Variants in SUMF1 observed in about 807,000 individuals in gnomAD.
SUMF1 encodes the protein sulfatase modifying factor 1.
SUMF1 carries 48 observed loss-of-function variants against 47.6 expected under a neutral mutation model. The observed-to-expected ratio is 1.01, with a 90% CI of 0.80 to 1.28. The LOEUF (loss-of-function observed/expected upper bound fraction) is 1.28. SUMF1 is among the 50% of genes most tolerant of loss of function. The pLI is 0.00. For missense variants in SUMF1, 571 were observed against 485.4 expected (o/e 1.18, Z -1.66); for synonymous variants, 230 against 192.1 (o/e 1.20, Z -1.63).
intron 8 of SUMF1, among the ~76,000 whole-genome samples, chr3:4,261,751 G>A (rs1043944524): frequency 1.1e-4 from 17 of 152,088 alleles, no homozygotes; most frequent in Admixed American, 2.0e-4. Flanking sequence ...TTCCCCTTCC[G>A]GTGTTCAGTA....
chr3:4,063,203 T>G (rs1695302514), intron 9 of SUMF1, among the ~76,000 whole-genome samples: 1 of 152,000 alleles, frequency 6.6e-6, no homozygotes, highest in Non-Finnish European at 1.5e-5. Flanking sequence ...GCATGGTAAA[T>G]TTCTAAATGC....
chr3:4,202,053 T>G (rs1695551936), intron 8 of SUMF1, among the ~76,000 whole-genome samples: 1 of 152,068 alleles, frequency 6.6e-6, no homozygotes. Flanking sequence ...TTCTGTGGGT[T>G]GTCTCTTCAC....
intron 8 of SUMF1, among the ~76,000 whole-genome samples, chr3:4,347,141 C>A (rs1320638596): frequency 6.6e-6 from 1 of 152,184 alleles, no homozygotes; most frequent in Non-Finnish European, 1.5e-5. Context: ...TGAAACTATT[C>A]CAAACAATTG....
intron 8 of SUMF1, among the ~76,000 whole-genome samples, chr3:4,118,258 A>T (rs1693465045): frequency 6.6e-6 from 1 of 152,066 alleles, no homozygotes; most frequent in African/African-American, 2.4e-5. Context: ...TGAAAAAAGG[A>T]ACAGGATACA....
chr3:4,395,454 G>A (rs1428822302), intron 7 of SUMF1, among the ~76,000 whole-genome samples: 1 of 152,164 alleles, frequency 6.6e-6, no homozygotes, highest in Non-Finnish European at 1.5e-5. Context: ...GACCAATGAA[G>A]AAGGGACTGC....
chr3:4,242,291 G>A (rs1202562956), intron 8 of SUMF1, among the ~76,000 whole-genome samples: 1 of 152,076 alleles, frequency 6.6e-6, no homozygotes, highest in East Asian at 1.9e-4. Flanking sequence ...TGATTGCCCT[G>A]GTCAGAACTT....
intron 8 of SUMF1, among the ~76,000 whole-genome samples, chr3:4,322,550 C>T (rs1186693940): frequency 6.6e-6 from 1 of 151,880 alleles, no homozygotes; most frequent in Non-Finnish European, 1.5e-5. Context: ...GTCCAAGCTA[C>T]TTAGGGGTCT....
At chr3:4,388,288 G>T (rs1700738472) in intron 7 of SUMF1, among the ~76,000 whole-genome samples, 1 of 151,938 alleles carries the variant, frequency 6.6e-6, no homozygotes, top group Admixed American at 6.6e-5. Context: ...CCTCTTGAAG[G>T]ATTAACCATT....
intron 8 of SUMF1, chr3:4,068,874 A>G: frequency 4.5e-6 from 1 of 223,128 alleles, no homozygotes; most frequent in South Asian, 5.5e-5. Context: ...ATAACAAACT[A>G]CAACGAAAAA....
At chr3:4,089,549 G>T (rs959751258) in intron 8 of SUMF1, among the ~76,000 whole-genome samples, 2 of 151,984 alleles carry the variant, frequency 1.3e-5, no homozygotes. Context: ...CTATCACAGA[G>T]CCTATCATAT....
intron 8 of SUMF1, among the ~76,000 whole-genome samples, chr3:4,078,789 T>A (rs1195148128): frequency 6.6e-6 from 1 of 151,950 alleles, no homozygotes; most frequent in Admixed American, 6.6e-5. Flanking sequence ...CAACAACCTA[T>A]GAAGTAGGTA....
intron 8 of SUMF1, among the ~76,000 whole-genome samples, chr3:4,135,418 CA>C (rs1470773136): frequency 6.6e-6 from 1 of 151,994 alleles, no homozygotes; most frequent in Non-Finnish European, 1.5e-5. Flanking sequence ...TGACAAAATT[CA>C]ACAACGTTTC....
At chr3:4,044,528 T>G (rs1694971618) in intron 9 of SUMF1, among the ~76,000 whole-genome samples, 2 of 152,340 alleles carry the variant, frequency 1.3e-5, no homozygotes, top group South Asian at 4.1e-4. Flanking sequence ...TTTTGGCTAC[T>G]GATCACAGGT....
At chr3:4,463,229 C>A (rs1402121327) in intron 1 of SUMF1, among the ~76,000 whole-genome samples, 2 of 152,322 alleles carry the variant, frequency 1.3e-5, no homozygotes, top group South Asian at 2.1e-4. Flanking sequence ...CGGTGGCTCA[C>A]GCCTGTAATC....
intron 8 of SUMF1, among the ~76,000 whole-genome samples, chr3:4,170,661 G>A (rs1377284048): frequency 6.6e-6 from 1 of 152,144 alleles, no homozygotes; most frequent in Non-Finnish European, 1.5e-5. Flanking sequence ...AGAGTAGAGA[G>A]TCTGGGATTA....
Position 4,361,886 on chromosome 3 carries a change from T to A in SUMF1, c.*258A>T. On this transcript the variant is annotated 3_prime_UTR_variant, in exon 9 of 9. Coordinates refer to ENST00000272902, the MANE Select transcript of SUMF1 (RefSeq NM_182760.4). ...TCCTGAAGCCTAGCTCAGGGTTCCC[T>A]CCACTCCCCTTCCTCTTTAAAGACT... The A allele has an allele frequency of 2.2e-6, 1 of 463,662 alleles. No homozygotes were observed. The highest frequency in any genetic ancestry group is 4.0e-6 in the Non-Finnish European group (1 of 250,842). 28.7% of individuals were successfully genotyped at this position (463,662 alleles called of 1,614,324 possible). A position where few individuals can be genotyped will look rare whatever the true frequency, so the allele number is the denominator to read the frequency against.
chr3:4,326,205 G>C (rs956056656), intron 8 of SUMF1, among the ~76,000 whole-genome samples: 1 of 152,156 alleles, frequency 6.6e-6, no homozygotes, highest in African/African-American at 2.4e-5. Context: ...TTTGCAAAAA[G>C]TTTTAGTCTC....
At chr3:4,054,047 A>T (rs1695154448) in intron 9 of SUMF1, among the ~76,000 whole-genome samples, 1 of 152,138 alleles carries the variant, frequency 6.6e-6, no homozygotes, top group Admixed American at 6.6e-5. Context: ...AATCAATAGT[A>T]ACATACTCAA....
At chr3:4,210,920 A>C (rs1249938212) in intron 8 of SUMF1, among the ~76,000 whole-genome samples, 1 of 151,618 alleles carries the variant, frequency 6.6e-6, no homozygotes, top group Non-Finnish European at 1.5e-5. Context: ...AATCATAAAA[A>C]GGCTAGACTG....
Sources: gnomAD v4.1 joint callset for allele counts (sites outside exome capture counted in the v4.1 genomes callset) on GRCh38, gnomAD v4.1.1 for gene constraint, MANE v1.5 for transcripts, NCBI Gene and HGNC (gene_info 2026-07-23, HGNC 2026-07-21) for gene names.